The following POTEF variants were observed in gnomAD, a reference collection of about 807,000 sequenced individuals.
POTEF encodes the protein ANKRD26-like family C member 1B.
Under a neutral mutation model 83.2 loss-of-function variants are expected in POTEF, and 20 were observed. That is an observed-to-expected ratio of 0.24 (90% CI 0.17 to 0.35). The LOEUF (loss-of-function observed/expected upper bound fraction) is 0.35, where lower values mean the gene tolerates loss of function less well. Ranked by LOEUF, POTEF falls within the 10% of genes least tolerant of loss-of-function variation. The pLI, the probability that POTEF is intolerant of heterozygous loss-of-function variation, is 1.00. For missense variants in POTEF, 550 were observed against 1,203.2 expected, an observed-to-expected ratio of 0.46 and a Z score of 8.03; for synonymous variants, 196 against 446.4, an observed-to-expected ratio of 0.44 and a Z score of 7.07.
At chr2:130,121,175 GCA>G in intron 2 of POTEF, among the ~76,000 whole-genome samples, 1 of 151,082 alleles carries the variant, frequency 6.6e-6, no homozygotes. Context: ...AGGGCACGTG[GCA>G]CAGACACTGG....
intron 9 of POTEF, among the ~76,000 whole-genome samples, chr2:130,101,028 T>C (rs1425658588): frequency 1.4e-5 from 2 of 144,066 alleles, no homozygotes; most frequent in African/African-American, 5.5e-5. Flanking sequence ...CACCATTTGT[T>C]TGGACTAAAC....
intron 12 of POTEF, among the ~76,000 whole-genome samples, chr2:130,090,706 AG>A (rs1463750709): frequency 6.9e-6 from 1 of 144,584 alleles, no homozygotes; most frequent in Non-Finnish European, 1.5e-5. Context: ...TATTTCTTAC[AG>A]GAAAAAAAAT....
In POTEF at chr2:130,104,851, G is replaced by C. The variant is rs199979632; in HGVS notation, c.1127-2671C>G. On this transcript the variant is annotated intron_variant, in intron 8 of 16. Coordinates refer to ENST00000409914, the MANE Select transcript of POTEF (RefSeq NM_001099771.2). ...TCAACTTTCAGATTCTTGGATCTTT[G>C]ACAAGTCTTATTAGTGAGAGTCAAA... Among the ~76,000 whole-genome samples, 5 of 151,326 alleles carry C rather than the reference G, an allele frequency of 3.3e-5. No individual in the cohort carries two copies. In the East Asian group the frequency reaches 9.7e-4, roughly 29 times the overall value.
intron 3 of POTEF, among the ~76,000 whole-genome samples, chr2:130,116,636 G>T (rs1684853297): frequency 1.0e-5 from 1 of 95,912 alleles, no homozygotes. Flanking sequence ...AGTTTGCTAA[G>T]GATAATGGCT....
intron 8 of POTEF, among the ~76,000 whole-genome samples, chr2:130,103,406 T>C (rs566289695): frequency 2.7e-5 from 4 of 150,714 alleles, no homozygotes; most frequent in Non-Finnish European, 4.4e-5. Context: ...TCCTTATATT[T>C]ATCTTTTAAA....
chr2:130,114,444 C>G (rs545731409), intron 5 of POTEF, among the ~76,000 whole-genome samples: 1 of 144,384 alleles, frequency 6.9e-6, no homozygotes. Context: ...CAGTGAGAGG[C>G]GCATCACCTC....
chr2:130,110,578 C>G lies in POTEF; in HGVS notation c.1020G>C (p.Thr340=). The G allele has an allele frequency of 6.6e-7, 1 of 1,515,400 alleles. No individual in the cohort carries two copies. Among genetic ancestry groups the G allele is most frequent in the Non-Finnish European group, 8.8e-7 (1 of 1,136,776 alleles). 93.9% of individuals were successfully genotyped at this position (1,515,400 alleles called of 1,614,324 possible). A position where few individuals can be genotyped will look rare whatever the true frequency, so the allele number is the denominator to read the frequency against. ...DVSSQDLSGQ[T]AREYAVSSHH... ...GACTAGAAACAGCATACTCTCTGGC[C>G]GTCTGTCCAGATAGATCTTGAGAAG... Residue 340 remains threonine (T), a synonymous_variant, in exon 7 of 17, where the codon ACG becomes ACC. Coordinates refer to ENST00000409914, the MANE Select transcript of POTEF (RefSeq NM_001099771.2).
intron 2 of POTEF, among the ~76,000 whole-genome samples, chr2:130,123,610 A>C (rs1175312627): frequency 2.0e-5 from 3 of 151,898 alleles, no homozygotes; most frequent in Non-Finnish European, 2.9e-5. Flanking sequence ...TAAATATCTC[A>C]TAATTATATT....
chr2:130,118,587 C>T (rs1684906204), intron 3 of POTEF, among the ~76,000 whole-genome samples: 2 of 149,608 alleles, frequency 1.3e-5, no homozygotes, highest in Non-Finnish European at 3.0e-5. Context: ...ATCCCAGCTA[C>T]TCAGTAGGCT....
intron 5 of POTEF, among the ~76,000 whole-genome samples, chr2:130,113,896 G>A (rs1285236087): frequency 6.6e-6 from 1 of 151,660 alleles, no homozygotes; most frequent in African/African-American, 2.4e-5. Context: ...GAGTAGGAGA[G>A]AGACCCATTT....
chr2:130,118,718 T>G (rs957958051), intron 3 of POTEF, among the ~76,000 whole-genome samples: 2 of 151,522 alleles, frequency 1.3e-5, no homozygotes, highest in Non-Finnish European at 2.9e-5. Context: ...TATATAAATA[T>G]ATATCTGCAT....
chr2:130,105,410 T>C (rs1003680027), intron 8 of POTEF, among the ~76,000 whole-genome samples: 5 of 151,652 alleles, frequency 3.3e-5, no homozygotes, highest in African/African-American at 1.2e-4. Flanking sequence ...TCCAAGGATG[T>C]ATGACAAGGA....
In POTEF at chr2:130,114,349, C is replaced by A. The variant is rs1184800511; in HGVS notation, c.810+532G>T. ...TCTTTTCCCTCCATTATCTAATTTC[C>A]AAATTGGCCTTGATATTTCTGATTG... On this transcript the variant is annotated intron_variant, in intron 5 of 16. Coordinates refer to ENST00000409914, the MANE Select transcript of POTEF (RefSeq NM_001099771.2). Among the ~76,000 whole-genome samples the A allele has an allele frequency of 2.0e-5, 3 of 150,760 alleles. No individual in the cohort carries two copies. The East Asian group carries it at 5.8e-4, about 29-fold the overall frequency.
At position 130,123,149 on chromosome 2, in the gene POTEF, A is replaced by T. The variant is rs554131344; in HGVS notation, c.-93-2541T>A. ...CTTTCTCTTGGTCTAGTTGTTATTTAAAAAAAAACCTATCAATGCAAACCA... is the reference window on the plus strand; with the variant it reads ...CTTTCTCTTGGTCTAGTTGTTATTTTAAAAAAAACCTATCAATGCAAACCA... On this transcript the variant is annotated intron_variant, in intron 2 of 16. Coordinates refer to ENST00000409914, the MANE Select transcript of POTEF (RefSeq NM_001099771.2). 1.5e-3 allele frequency among the ~76,000 whole-genome samples: 184 copies of T among 126,792 alleles called. 2 individuals carry two copies. Among genetic ancestry groups the T allele is most frequent in the African/African-American group, 5.3e-3 (152 of 28,454 alleles). The allele number at this position is 126,792 out of a possible 152,430, so 83.2% of individuals were successfully genotyped here. A position where few individuals can be genotyped will look rare whatever the true frequency, so the allele number is the denominator to read the frequency against.
rs578022410 is a variant in POTEF at position 130,108,920 on chromosome 2, T to G, written c.1056-841A>C. Among the ~76,000 whole-genome samples the G allele has an allele frequency of 8.1e-4, 122 of 151,316 alleles. 7 individuals carry two copies. The highest frequency in any genetic ancestry group is 2.8e-3 in the African/African-American group (116 of 40,816). Reference sequence around the variant, plus strand: ...GATAATGCTTTATATTGATGTTCAATTCCAGCTGACATGGGAGACCAAAAG... The same window carrying G: ...GATAATGCTTTATATTGATGTTCAAGTCCAGCTGACATGGGAGACCAAAAG... On this transcript the variant is annotated intron_variant, in intron 7 of 16. Coordinates refer to ENST00000409914, the MANE Select transcript of POTEF (RefSeq NM_001099771.2).
chr2:130,125,906 C>CA (rs1250169578), intron 2 of POTEF, among the ~76,000 whole-genome samples: 79 of 127,290 alleles, frequency 6.2e-4, no homozygotes, highest in Middle Eastern at 4.2e-3. Context: ...GACTTCATCT[C>CA]AAAAAAAAAA....
At position 130,075,517 on chromosome 2, in the gene POTEF, C is replaced by T. The variant is rs761242334; in HGVS notation, c.1955G>A (p.Arg652Gln). Residue 652 changes from arginine to glutamine, a missense_variant, in exon 17 of 17, where the codon CGG (arginine) becomes CAG (glutamine). By Grantham distance (43) the Arg-to-Gln change is conservative. Coordinates refer to ENST00000409914, the MANE Select transcript of POTEF (RefSeq NM_001099771.2). ...CAGTCTTAGCATGGCAATTTCTTCC[C>T]GCAACGTACTATTTTCATGCAAGAT... Reference protein sequence around the residue: ...KDILHENSTLREEIAMLRLEL... With the variant: ...KDILHENSTLQEEIAMLRLEL... 1.9e-5 allele frequency: 30 copies of T among 1,610,960 alleles called. No individual in the cohort carries two copies. The African/African-American group carries it at 2.0e-4, about 11-fold the overall frequency.
chr2:130,122,592 G>C (rs1484502004), intron 2 of POTEF, among the ~76,000 whole-genome samples: 1 of 150,514 alleles, frequency 6.6e-6, no homozygotes, highest in East Asian at 1.9e-4. Context: ...ATTGGAATTT[G>C]ACAGCGGTTG....
chr2:130,126,303 CAAAAAA>C (rs754556482), intron 2 of POTEF, among the ~76,000 whole-genome samples: 33 of 122,654 alleles, frequency 2.7e-4, no homozygotes, highest in Admixed American at 1.8e-3. Flanking sequence ...AACTCCATCT[CAAAAAA>C]AAAAAAAAAA....
Sources: gnomAD v4.1 joint callset for allele counts (sites outside exome capture counted in the v4.1 genomes callset) on GRCh38, gnomAD v4.1.1 for gene constraint, MANE v1.5 for transcripts, NCBI Gene and HGNC (gene_info 2026-07-23, HGNC 2026-07-21) for gene names.